ROBO2: variants seen among roughly 807,000 people sequenced by gnomAD.
ROBO2 encodes roundabout guidance receptor 2.
Under a neutral mutation model 160.8 loss-of-function variants are expected in ROBO2, and 53 were observed. That is an observed-to-expected ratio of 0.33 (90% confidence interval 0.26 to 0.41). The LOEUF is 0.41. Ranked by LOEUF, ROBO2 falls within the 10% of genes least tolerant of loss-of-function variation. The pLI is 1.00. For missense variants in ROBO2, 1,577 were observed against 1,722.4 expected, an observed-to-expected ratio of 0.92 and a Z score of 1.49; for synonymous variants, 664 against 611.7, an observed-to-expected ratio of 1.09 and a Z score of -1.26.
At chr3:77,399,677 G>T (rs571219267) in intron 2 of ROBO2, among the ~76,000 whole-genome samples, 5 of 152,226 alleles carry the variant, frequency 3.3e-5, no homozygotes, top group African/African-American at 1.2e-4. Context: ...AATGGTAATA[G>T]ATATAGAGTT....
intron 2 of ROBO2, among the ~76,000 whole-genome samples, chr3:77,337,919 A>T (rs1449101680): frequency 6.6e-6 from 1 of 152,122 alleles, no homozygotes; most frequent in Admixed American, 6.6e-5. Context: ...GACTCCACAA[A>T]CCAGCATAAC....
At chr3:76,383,192 CTCAGATATGTTTTG>C (rs1407877110) in intron 2 of ROBO2, among the ~76,000 whole-genome samples, 1 of 152,098 alleles carries the variant, frequency 6.6e-6, no homozygotes, top group African/African-American at 2.4e-5. Context: ...AATTTCAAGG[CTCAGATATGTTTTG>C]TCCTCATTCC....
intron 2 of ROBO2, among the ~76,000 whole-genome samples, chr3:76,200,562 T>G (rs1702474125): frequency 6.6e-6 from 1 of 152,086 alleles, no homozygotes; most frequent in African/African-American, 2.4e-5. Flanking sequence ...GATTAATACG[T>G]CCAGTATAGG....
chr3:76,947,660 G>T (rs559561454), intron 2 of ROBO2, among the ~76,000 whole-genome samples: 3 of 151,314 alleles, frequency 2.0e-5, no homozygotes, highest in Middle Eastern at 3.4e-3. Flanking sequence ...CATGTGACTG[G>T]TTTTTTCTTA....
At chr3:77,270,496 A>C (rs1483299971) in intron 2 of ROBO2, among the ~76,000 whole-genome samples, 1 of 152,132 alleles carries the variant, frequency 6.6e-6, no homozygotes, top group African/African-American at 2.4e-5. Flanking sequence ...TAACCCAAAA[A>C]CCCTTAATCA....
intron 2 of ROBO2, among the ~76,000 whole-genome samples, chr3:76,280,641 C>G (rs1276995331): frequency 2.0e-5 from 3 of 152,002 alleles, no homozygotes; most frequent in Non-Finnish European, 4.4e-5. Flanking sequence ...TCTCTAATCT[C>G]TCCTTAAAGT....
chr3:76,688,912 T>G (rs1410814119), intron 2 of ROBO2, among the ~76,000 whole-genome samples: 1 of 152,030 alleles, frequency 6.6e-6, no homozygotes, highest in African/African-American at 2.4e-5. Flanking sequence ...ATGTCTTTTT[T>G]GCCTGTTACA....
intron 2 of ROBO2, among the ~76,000 whole-genome samples, chr3:77,468,021 T>C (rs764778404): frequency 6.6e-6 from 1 of 152,216 alleles, no homozygotes; most frequent in Non-Finnish European, 1.5e-5. Context: ...CCTCACATGC[T>C]ATGTTTGGAC....
intron 2 of ROBO2, among the ~76,000 whole-genome samples, chr3:76,942,351 T>C (rs1054289235): frequency 1.3e-5 from 2 of 152,244 alleles, no homozygotes; most frequent in Non-Finnish European, 2.9e-5. Context: ...AAGTAGAACA[T>C]GCGAATCTAA....
chr3:76,247,528 C>T (rs760009592), intron 2 of ROBO2, among the ~76,000 whole-genome samples: 13 of 152,066 alleles, frequency 8.5e-5, no homozygotes, highest in Non-Finnish European at 1.8e-4. Flanking sequence ...CCTATCTATG[C>T]GCTATGACAC....
chr3:76,968,402 C>CT (rs2149270288), intron 2 of ROBO2, among the ~76,000 whole-genome samples: 1 of 152,194 alleles, frequency 6.6e-6, no homozygotes, highest in Admixed American at 6.5e-5. Context: ...TTGTGTGGAG[C>CT]TCTCACAATG....
rs543010220 is a variant in ROBO2 at position 77,405,362 on chromosome 3, T to C, written c.389-72052T>C. 3.3e-5 allele frequency among the ~76,000 whole-genome samples: 5 copies of C among 152,252 alleles called. No individual in the cohort carries two copies. The South Asian group carries it at 8.3e-4, about 25-fold the overall frequency. ...ATTTTAGAGCTTTCTTTGTAAAATA[T>C]ATGTAATTTATTTAAACATTACAGA... is the stretch of plus-strand genomic sequence containing the variant. On this transcript the variant is annotated intron_variant, in intron 2 of 25. Transcript: ENST00000461745.
At chr3:77,082,388 G>A (rs1234898537) in intron 1 of ROBO2, among the ~76,000 whole-genome samples, 4 of 152,078 alleles carry the variant, frequency 2.6e-5, no homozygotes, top group Non-Finnish European at 5.9e-5. Context: ...TGCTCACTGA[G>A]CCTGGCAAAG....
At chr3:76,015,081 G>A (rs186254216) in intron 2 of ROBO2, among the ~76,000 whole-genome samples, 8 of 152,006 alleles carry the variant, frequency 5.3e-5, no homozygotes, top group East Asian at 1.9e-4. Context: ...TCCAGTCTTC[G>A]GCTCCTTTTC....
At chr3:77,241,991 C>A (rs1333201204) in intron 2 of ROBO2, among the ~76,000 whole-genome samples, 1 of 152,156 alleles carries the variant, frequency 6.6e-6, no homozygotes, top group Admixed American at 6.5e-5. Flanking sequence ...TTGTGAAAAA[C>A]TTTGTAGACA....
chr3:76,065,689 G>GT (rs2068227431), intron 2 of ROBO2, among the ~76,000 whole-genome samples: 1 of 146,228 alleles, frequency 6.8e-6, no homozygotes, highest in South Asian at 2.2e-4. Flanking sequence ...CCTGATATGG[G>GT]TTTTCATATA....
Position 76,280,134 on chromosome 3 carries a change from A to G in ROBO2, c.109+342532A>G, listed in dbSNP as rs542387161. On this transcript the variant is annotated intron_variant, in intron 2 of 26. Transcript: ENST00000487694. Reference sequence around the variant, plus strand: ...TTACAAAATAAGCATGAATTCCTGAAAAGTCGGCAATTTCTGTTAAAGCGA... The same window carrying G: ...TTACAAAATAAGCATGAATTCCTGAGAAGTCGGCAATTTCTGTTAAAGCGA... Among the ~76,000 whole-genome samples the G allele has an allele frequency of 8.5e-5, 13 of 152,116 alleles. No homozygotes were observed. In the South Asian group the frequency reaches 2.7e-3, roughly 31 times the overall value.
At chr3:76,967,849 C>T (rs1041159261) in intron 2 of ROBO2, among the ~76,000 whole-genome samples, 4 of 152,048 alleles carry the variant, frequency 2.6e-5, no homozygotes, top group African/African-American at 9.7e-5. Flanking sequence ...GCCTAAAATA[C>T]ACATTTTTTA....
intron 2 of ROBO2, among the ~76,000 whole-genome samples, chr3:76,279,127 A>G: frequency 6.6e-6 from 1 of 150,626 alleles, no homozygotes; most frequent in African/African-American, 2.4e-5. Context: ...TGGATATATT[A>G]TATATATATA....
Sources: allele counts gnomAD v4.1 joint callset (sites outside exome capture counted in the v4.1 genomes callset), GRCh38; gene constraint gnomAD v4.1.1; transcripts MANE v1.5; gene names NCBI Gene and HGNC (gene_info 2026-07-23, HGNC 2026-07-21).